The following NELFB variants were observed in gnomAD, a reference collection of about 807,000 sequenced individuals.
The protein encoded by NELFB is negative elongation factor B.
In NELFB, 34 loss-of-function variants were observed where a neutral mutation model predicts 60.2. That is an observed-to-expected ratio of 0.56 (90% CI 0.43 to 0.75). NELFB has a LOEUF of 0.75. NELFB is among the 30% of genes least tolerant of loss of function. The pLI, the probability that NELFB is intolerant of heterozygous loss-of-function variation, is 0.00. For synonymous variants in NELFB, 459 were observed against 382.1 expected, an observed-to-expected ratio of 1.20 and a Z score of -2.35; for missense variants, 770 against 831.6, an observed-to-expected ratio of 0.93 and a Z score of 0.91.
At chr9:137,272,421 A>G in intron 11 of NELFB, 86 bp from the exon 12 acceptor site, 1 of 1,472,116 alleles carries the variant, frequency 6.8e-7, no homozygotes. Flanking sequence ...TCCTGTCTCC[A>G]GGGGCCTTGG....
At chr9:137,256,755 T>G in intron 3 of NELFB, 69 bp from the exon 4 acceptor site, 1 of 1,500,746 alleles carries the variant, frequency 6.7e-7, no homozygotes, top group South Asian at 1.2e-5. Flanking sequence ...GGCTGAGGCC[T>G]CTTGGCTTGT....
chr9:137,272,412 C>T, intron 11 of NELFB, 95 bp from the exon 12 acceptor site: 1 of 1,455,092 alleles, frequency 6.9e-7, no homozygotes, highest in Admixed American at 2.1e-5. Flanking sequence ...CTGGCCATGT[C>T]CTGTCTCCAG....
At chr9:137,262,261 T>C (rs1830457558) in intron 4 of NELFB, among the ~76,000 whole-genome samples, 1 of 152,094 alleles carries the variant, frequency 6.6e-6, no homozygotes, top group Admixed American at 6.6e-5. Context: ...AAAGGGAGAC[T>C]CCCTTTCCCT....
rs756174445 is a variant in NELFB, at chr9:137,263,205, G to T, written c.910G>T (p.Val304Leu). The T allele has an allele frequency of 6.2e-7, 1 of 1,611,632 alleles. No individual in the cohort carries two copies. Among genetic ancestry groups the T allele is most frequent in the Non-Finnish European group, 8.5e-7 (1 of 1,178,988 alleles). Reference sequence around the variant, plus strand: ...CCTGGACGTGGGTGAAATCTGCACCGTGGACCCGTGCCACAAGGTAGCACT... The same window carrying T: ...CCTGGACGTGGGTGAAATCTGCACCTTGGACCCGTGCCACAAGGTAGCACT... Residue 304 changes from valine to leucine, a missense_variant, in exon 5 of 13, where the codon GTG (valine) becomes TTG (leucine). Transcript: ENST00000343053.
At chr9:137,266,778 T>TG (rs1401703385) in intron 8 of NELFB, among the ~76,000 whole-genome samples, 166 bp from the exon 9 acceptor site, 1 of 128,824 alleles carries the variant, frequency 7.8e-6, no homozygotes, top group Non-Finnish European at 1.7e-5. Context: ...ATGGCCTGGG[T>TG]GGGGGACTCG....
intron 10 of NELFB, among the ~76,000 whole-genome samples, chr9:137,268,818 CAG>C (rs1166757705): frequency 2.0e-5 from 3 of 151,694 alleles, no homozygotes; most frequent in East Asian, 1.9e-4. Flanking sequence ...AGATGAGACA[CAG>C]AGAGATGAGA....
intron 5 of NELFB, among the ~76,000 whole-genome samples, chr9:137,263,562 C>G (rs28545084): frequency 0.69 from 102,418 of 148,904 alleles, 35,888 homozygotes; most frequent in Admixed American, 0.77. Flanking sequence ...TGGCTTGGCC[C>G]GGGACCACCT....
At chr9:137,266,127 A>C in intron 7 of NELFB, 148 bp downstream of exon 7, 2 of 775,078 alleles carry the variant, frequency 2.6e-6, no homozygotes, top group Non-Finnish European at 4.2e-6. Flanking sequence ...GTGGTCGGGG[A>C]TGTGGACTGC....
Position 137,256,820 on chromosome 9 carries a change from G to T in NELFB, c.511-4G>T, listed in dbSNP as rs1191796320. On this transcript the variant is annotated splice_region_variant and splice_polypyrimidine_tract_variant and intron_variant, in intron 3 of 12. Transcript: ENST00000343053. Reference sequence around the variant, plus strand: ...ACTCACAGGCAGCCTGTGGTGTCATGTAGGTTCCGGAGAAAAAACTGAAGC... The same window carrying T: ...ACTCACAGGCAGCCTGTGGTGTCATTTAGGTTCCGGAGAAAAAACTGAAGC... 1 of 1,613,926 alleles carries T rather than the reference G, an allele frequency of 6.2e-7. No individual in the cohort carries two copies. The highest frequency in any genetic ancestry group is 1.7e-5 in the Admixed American group (1 of 60,016).
In NELFB at chr9:137,272,538, C is replaced by T. The variant is rs1830595975; in HGVS notation, c.1663C>T (p.Leu555Phe). 2.5e-6 allele frequency: 4 copies of T among 1,612,350 alleles called. No individual in the cohort carries two copies. Among genetic ancestry groups the T allele is most frequent in the African/African-American group, 2.7e-5 (2 of 74,942 alleles). Reference sequence around the variant, plus strand: ...GAACGTGCACCGGCACGCGCTGCGGCTCCTCATTCACCTGCACCCCAGGGT... The same window carrying T: ...GAACGTGCACCGGCACGCGCTGCGGTTCCTCATTCACCTGCACCCCAGGGT... Residue 555 changes from leucine (L) to phenylalanine (F), a missense_variant, in exon 12 of 13, where the codon CTC (leucine) becomes TTC (phenylalanine). Leu to Phe is a conservative substitution (Grantham distance 22). Transcript: ENST00000343053.
At chr9:137,262,581 C>G (rs572091433) in intron 4 of NELFB, among the ~76,000 whole-genome samples, 1 of 152,228 alleles carries the variant, frequency 6.6e-6, no homozygotes, top group African/African-American at 2.4e-5. Context: ...ATAATCATAT[C>G]TATGATCTAT....
chr9:137,265,359 A>G (rs1415001066), intron 6 of NELFB, among the ~76,000 whole-genome samples: 2 of 134,816 alleles, frequency 1.5e-5, no homozygotes, highest in Non-Finnish European at 3.2e-5. Context: ...ATCTTTGAAT[A>G]GGTTAAGGAC....
At position 137,266,833 on chromosome 9, in the gene NELFB, C is replaced by T. The variant is rs988050991; in HGVS notation, c.1240-111C>T. 3.5e-5 allele frequency: 42 copies of T among 1,198,766 alleles called. No individual in the cohort carries two copies. In the South Asian group the frequency reaches 4.5e-4, roughly 13 times the overall value. 74.3% of individuals were successfully genotyped at this position (1,198,766 alleles called of 1,614,324 possible). The stretch of plus-strand genomic sequence containing the variant: ...TGGGGACCTGGAGAGGAGGGAGGGT[C>T]GGTGAGGTATCTGGGGGAGTGGGAG... On this transcript the variant is annotated intron_variant, in intron 8 of 12. Coordinates refer to ENST00000343053, the MANE Select transcript of NELFB (RefSeq NM_015456.5).
chr9:137,269,537 C>T lies in NELFB; in HGVS notation c.1489+2191C>T, dbSNP rs993803196. On this transcript the variant is annotated intron_variant, in intron 10 of 12. Transcript: ENST00000343053. The surrounding 1 kb of genome is among the most constrained non-coding windows in gnomAD (Gnocchi z 5.3). ...CTACCGTGGACCACATATACGACCA[C>T]GCGGTCACATAAGCTGACAATACTG... is the stretch of plus-strand genomic sequence containing the variant. Among the ~76,000 whole-genome samples, 10 of 152,254 alleles carry T rather than the reference C, an allele frequency of 6.6e-5. No individual in the cohort carries two copies. Among genetic ancestry groups the T allele is most frequent in the Non-Finnish European group, 8.8e-5 (6 of 68,046 alleles).
chr9:137,266,835 G>C, intron 8 of NELFB, 109 bp from the exon 9 acceptor site: 1 of 1,341,654 alleles, frequency 7.5e-7, no homozygotes, highest in Non-Finnish European at 1.0e-6. Context: ...GGGAGGGTCG[G>C]TGAGGTATCT....
Position 137,272,828 on chromosome 9 carries a change from T to C in NELFB, c.1787T>C (p.Leu596Pro). ...CTTTACTCCCAGCTCGGCGAGAAGC[T>C]GGAACAGCTGGATCACCGGAAGCCC... The change falls in exon 13 of 13, where the codon CTG (leucine) becomes CCG (proline). Residue 596 changes from leucine (L) to proline (P), a missense_variant. Leu to Pro is a moderately conservative substitution (Grantham distance 98). Coordinates refer to ENST00000343053, the MANE Select transcript of NELFB (RefSeq NM_015456.5). The C allele has an allele frequency of 6.5e-7, 1 of 1,549,988 alleles. No individual in the cohort carries two copies. The highest frequency in any genetic ancestry group is 8.7e-7 in the Non-Finnish European group (1 of 1,146,682).
chr9:137,264,874 T>C (rs1830498872), intron 6 of NELFB, among the ~76,000 whole-genome samples: 1 of 152,124 alleles, frequency 6.6e-6, no homozygotes, highest in Non-Finnish European at 1.5e-5. Flanking sequence ...AACTCTGCAT[T>C]CTGGAGCCAG....
At chr9:137,265,807 T>G in intron 6 of NELFB, 70 bp from the exon 7 acceptor site, 1 of 1,031,842 alleles carries the variant, frequency 9.7e-7, no homozygotes, top group Non-Finnish European at 1.5e-6. Flanking sequence ...AGGCCACCCC[T>G]CCTGAGGACT....
At position 137,255,481 on chromosome 9, in the gene NELFB, C is replaced by T; in HGVS notation, c.116C>T (p.Pro39Leu). 3.3e-6 allele frequency: 5 copies of T among 1,523,130 alleles called. No homozygotes were observed. Among genetic ancestry groups the T allele is most frequent in the Non-Finnish European group, 4.4e-6 (5 of 1,136,546 alleles). 94.4% of individuals were successfully genotyped at this position (1,523,130 alleles called of 1,614,324 possible). A position where few individuals can be genotyped will look rare whatever the true frequency, so the allele number is the denominator to read the frequency against. Reference sequence around the variant, plus strand: ...GGGGAACGGGCTGGGGATGGGGCGCCTAGCCGGGCGGTGGCCGGGGCCTCG... The same window carrying T: ...GGGGAACGGGCTGGGGATGGGGCGCTTAGCCGGGCGGTGGCCGGGGCCTCG... Residue 39 changes from proline to leucine, a missense_variant, in exon 1 of 13, where the codon CCT becomes CTT. Transcript: ENST00000343053.
Sources: gnomAD v4.1 joint callset for allele counts (sites outside exome capture counted in the v4.1 genomes callset) on GRCh38, gnomAD v4.1.1 for gene constraint, Gnocchi (gnomAD v3.1) non-coding constraint, MANE v1.5 for transcripts, NCBI Gene and HGNC (gene_info 2026-07-23, HGNC 2026-07-21) for gene names.